JAKMIP2: variants seen among roughly 807,000 people sequenced by gnomAD.
JAKMIP2 encodes the protein janus kinase and microtubule-interacting protein 2.
Under a neutral mutation model 115.0 loss-of-function variants are expected in JAKMIP2, and 25 were observed. The observed-to-expected ratio is 0.22, with a 90% CI of 0.16 to 0.30. JAKMIP2 has a LOEUF of 0.30. Ranked by LOEUF, JAKMIP2 falls within the 10% of genes least tolerant of loss-of-function variation. The probability of loss-of-function intolerance (pLI) is 1.00; values close to 1 mark genes in which losing one functional copy is unlikely to be tolerated. For synonymous variants in JAKMIP2, 334 were observed against 343.6 expected (o/e 0.97, Z 0.31); for missense variants, 642 against 957.6 (o/e 0.67, Z 4.35).
rs1372683193 is a variant in JAKMIP2, at chr5:147,611,998, T to G, written c.2412+308A>C. ...AGATTTTTTTAAAAAAAGAGCAAAG[T>G]AGGGTAACAAAACTTGAAGAAACTT... On this transcript the variant is annotated intron_variant, in intron 20 of 21. Coordinates refer to ENST00000616793, the MANE Select transcript of JAKMIP2 (RefSeq NM_001270941.2). The G allele has an allele frequency of 8.4e-6, 4 of 477,622 alleles. No homozygotes were observed. In the East Asian group the frequency reaches 1.5e-4, roughly 18 times the overall value. The allele number at this position is 477,622 out of a possible 1,614,324, so 29.6% of individuals were successfully genotyped here.
At chr5:147,633,277 C>T (rs1327561812) in intron 12 of JAKMIP2, among the ~76,000 whole-genome samples, 1 of 152,162 alleles carries the variant, frequency 6.6e-6, no homozygotes, top group Non-Finnish European at 1.5e-5. Flanking sequence ...TACCACCTAG[C>T]TTTCCAGTTT....
intron 8 of JAKMIP2, 96 bp downstream of exon 8, chr5:147,641,612 A>G (rs1757882529): frequency 1.2e-6 from 1 of 831,018 alleles, no homozygotes; most frequent in Admixed American, 2.1e-5. Flanking sequence ...GTTCTGGAAC[A>G]CCTGATTCAT....
At chr5:147,733,281 T>TGA (rs1173482672) in intron 1 of JAKMIP2, among the ~76,000 whole-genome samples, 1 of 152,212 alleles carries the variant, frequency 6.6e-6, no homozygotes, top group Admixed American at 6.5e-5. Flanking sequence ...CAGTCCATGC[T>TGA]GAGCTGTGCT....
intron 1 of JAKMIP2, among the ~76,000 whole-genome samples, chr5:147,681,256 G>A (rs1760256044): frequency 6.6e-6 from 1 of 152,154 alleles, no homozygotes; most frequent in Non-Finnish European, 1.5e-5. Flanking sequence ...CTGCCAGGAA[G>A]GCTTGGTAGA....
At chr5:147,705,924 G>T (rs1400591739) in intron 1 of JAKMIP2, among the ~76,000 whole-genome samples, 10 of 152,212 alleles carry the variant, frequency 6.6e-5, no homozygotes, top group Non-Finnish European at 1.5e-4. Flanking sequence ...AGTAGCACAA[G>T]CTTTCTGCAG....
intron 12 of JAKMIP2, 128 bp downstream of exon 12, chr5:147,636,094 G>A: frequency 1.4e-6 from 1 of 692,326 alleles, no homozygotes; most frequent in South Asian, 1.8e-5. Flanking sequence ...CGCAGCCGAG[G>A]ACAGAGCAGT....
intron 1 of JAKMIP2, among the ~76,000 whole-genome samples, chr5:147,714,603 T>C (rs1752899129): frequency 6.6e-6 from 1 of 152,128 alleles, no homozygotes; most frequent in African/African-American, 2.4e-5. Flanking sequence ...ATGAAACATA[T>C]CTATCCGTGG....
At chr5:147,744,333 C>T (rs1754273147) in intron 1 of JAKMIP2, among the ~76,000 whole-genome samples, 1 of 152,108 alleles carries the variant, frequency 6.6e-6, no homozygotes. Context: ...CCACATGACC[C>T]TTTATGTGAC....
chr5:147,710,103 G>A (rs1258391621), intron 1 of JAKMIP2, among the ~76,000 whole-genome samples: 2 of 152,168 alleles, frequency 1.3e-5, no homozygotes, highest in African/African-American at 2.4e-5. Context: ...GAATAAATGA[G>A]TCAGGAAATA....
chr5:147,671,309 C>A (rs1759572310), intron 2 of JAKMIP2, among the ~76,000 whole-genome samples: 1 of 152,148 alleles, frequency 6.6e-6, no homozygotes, highest in South Asian at 2.1e-4. Context: ...AGAAGGACTT[C>A]TCTGAATGCT....
chr5:147,753,991 ACACTGACAT>A (rs1382912853), intron 1 of JAKMIP2, among the ~76,000 whole-genome samples: 8 of 152,126 alleles, frequency 5.3e-5, no homozygotes, highest in Admixed American at 1.3e-4. Context: ...TGATGCAACT[ACACTGACAT>A]CACTGACATC....
chr5:147,751,631 A>G (rs1191098484), intron 1 of JAKMIP2, among the ~76,000 whole-genome samples: 2 of 151,716 alleles, frequency 1.3e-5, no homozygotes, highest in Non-Finnish European at 2.9e-5. Context: ...GACAAAGACC[A>G]GCTACACAGC....
intron 15 of JAKMIP2, 45 bp downstream of exon 15, chr5:147,629,648 T>C (rs778860637): frequency 3.5e-6 from 5 of 1,434,234 alleles, no homozygotes; most frequent in Non-Finnish European, 2.0e-6. Context: ...CTCTTGCCTC[T>C]GTTTAGGCAA....
In JAKMIP2 at chr5:147,586,801, C is replaced by G. The variant is rs1265523330; in HGVS notation, c.*4906G>C. 2.1e-5 allele frequency: 3 copies of G among 140,254 alleles called. No homozygotes were observed. In the East Asian group the frequency reaches 6.2e-4, roughly 29 times the overall value. The allele number at this position is 140,254 out of a possible 1,614,324, so 8.7% of individuals were successfully genotyped here. ...TGAGATGAGGTCTCACCATGTTGCCCAGGCCGTTATGAAACTCCTGGGCCC... is the reference window on the plus strand; with the variant it reads ...TGAGATGAGGTCTCACCATGTTGCCGAGGCCGTTATGAAACTCCTGGGCCC... On this transcript the variant is annotated 3_prime_UTR_variant, in exon 22 of 22. Coordinates refer to ENST00000616793, the MANE Select transcript of JAKMIP2 (RefSeq NM_001270941.2).
intron 1 of JAKMIP2, among the ~76,000 whole-genome samples, chr5:147,693,174 A>C (rs1751952398): frequency 6.6e-6 from 1 of 152,190 alleles, no homozygotes. Context: ...TAAGGACAAG[A>C]ACTCTGGAGT....
At chr5:147,643,760 C>A (rs1268245136) in intron 7 of JAKMIP2, among the ~76,000 whole-genome samples, 1 of 152,152 alleles carries the variant, frequency 6.6e-6, no homozygotes, top group African/African-American at 2.4e-5. Flanking sequence ...AAGGCAGTTA[C>A]AAGACACACC....
intron 3 of JAKMIP2, among the ~76,000 whole-genome samples, chr5:147,653,469 G>A (rs7703833): frequency 3.3e-5 from 5 of 151,700 alleles, no homozygotes; most frequent in East Asian, 3.9e-4. Context: ...CAGAGATGAT[G>A]AGCTTTTTTT....
intron 1 of JAKMIP2, among the ~76,000 whole-genome samples, chr5:147,674,288 C>T (rs941670300): frequency 6.6e-6 from 1 of 152,190 alleles, no homozygotes; most frequent in Non-Finnish European, 1.5e-5. Flanking sequence ...TATATAAAAT[C>T]TGATCCGCTT....
chr5:147,733,816 AG>A (rs1753822103), intron 1 of JAKMIP2, among the ~76,000 whole-genome samples: 1 of 152,204 alleles, frequency 6.6e-6, no homozygotes, highest in Admixed American at 6.5e-5. Flanking sequence ...ATGGCTGCAT[AG>A]TATTCCATGG....
Sources: allele counts gnomAD v4.1 joint callset (sites outside exome capture counted in the v4.1 genomes callset), GRCh38; gene constraint gnomAD v4.1.1; transcripts MANE v1.5; gene names NCBI Gene and HGNC (gene_info 2026-07-23, HGNC 2026-07-21).